Variants in TTLL7 observed in about 807,000 individuals in gnomAD.
TTLL7 encodes the protein tubulin tyrosine ligase like 7.
Under a neutral mutation model 120.2 loss-of-function variants are expected in TTLL7, and 53 were observed. The ratio of observed to expected loss-of-function variants is 0.44; its 90% CI spans 0.35 to 0.55. TTLL7 has a LOEUF of 0.55. Among genes scored for constraint, TTLL7 ranks in the 20% least tolerant of loss-of-function variants. TTLL7 has a pLI of 0.00. For synonymous variants in TTLL7, 353 were observed against 351.7 expected (o/e 1.00, Z -0.04); for missense variants, 803 against 1,054.7 (o/e 0.76, Z 3.31).
chr1:83,888,095 A>C (rs1399501047), intron 19 of TTLL7, among the ~76,000 whole-genome samples: 1 of 151,950 alleles, frequency 6.6e-6, no homozygotes, highest in African/African-American at 2.4e-5. Flanking sequence ...AGGAAGCACC[A>C]CTTCATGGGT....
intron 13 of TTLL7, 68 bp downstream of exon 13, chr1:83,919,631 G>C: frequency 7.2e-7 from 1 of 1,381,260 alleles, no homozygotes; most frequent in Non-Finnish European, 9.7e-7. Flanking sequence ...GGACCAAGGT[G>C]GCTTGTCTGT....
intron 10 of TTLL7, among the ~76,000 whole-genome samples, chr1:83,922,601 T>G (rs767724949): frequency 2.0e-5 from 3 of 151,904 alleles, no homozygotes; most frequent in Non-Finnish European, 2.9e-5. Context: ...TTTGAGAAAA[T>G]AAATAAATGC....
intron 6 of TTLL7, 148 bp downstream of exon 6, chr1:83,946,976 A>C (rs1648565905): frequency 1.7e-6 from 1 of 574,784 alleles, no homozygotes; most frequent in Admixed American, 4.0e-5. Context: ...GAGATCATTA[A>C]ATATTTGGTT....
chr1:83,929,144 T>C lies in TTLL7; in HGVS notation c.1134A>G (p.Leu378=). ...RGVLLNALKL[L]NIRTSDKRRN... ...TAGAGAGAGTATTTTACCTTATGTT[T>C]AGTAGCTTCAACGCATTTAGCAGCA... is the stretch of plus-strand genomic sequence containing the variant. The change falls in exon 10 of 21, where the codon CTA becomes CTG. Residue 378 remains leucine, a synonymous_variant. Coordinates refer to ENST00000260505, the MANE Select transcript of TTLL7 (RefSeq NM_024686.6). 6.2e-7 allele frequency: 1 copy of C among 1,608,654 alleles called. No homozygotes were observed. The highest frequency in any genetic ancestry group is 8.5e-7 in the Non-Finnish European group (1 of 1,176,076).
chr1:83,919,281 T>TGTGTGTGC (rs1658446943), intron 13 of TTLL7, among the ~76,000 whole-genome samples: 1 of 151,874 alleles, frequency 6.6e-6, no homozygotes, highest in Admixed American at 6.6e-5. Flanking sequence ...TGTGTGTGTG[T>TGTGTGTGC]GTGTGTGTGT....
intron 18 of TTLL7, among the ~76,000 whole-genome samples, chr1:83,896,996 A>T (rs1656279936): frequency 6.6e-6 from 1 of 152,230 alleles, no homozygotes; most frequent in African/African-American, 2.4e-5. Context: ...AATAAGATTA[A>T]CTATTTCCAT....
intron 1 of TTLL7, among the ~76,000 whole-genome samples, chr1:83,959,384 T>C (rs1401568250): frequency 1.3e-5 from 2 of 152,196 alleles, no homozygotes; most frequent in Non-Finnish European, 2.9e-5. Flanking sequence ...AGCACAGCAA[T>C]GTGGGTGACT....
At chr1:83,955,889 T>C (rs1649465947) in intron 1 of TTLL7, among the ~76,000 whole-genome samples, 1 of 152,050 alleles carries the variant, frequency 6.6e-6, no homozygotes, top group Non-Finnish European at 1.5e-5. Flanking sequence ...TAGTCCCAGA[T>C]ACCTGGGTGG....
intron 9 of TTLL7, among the ~76,000 whole-genome samples, chr1:83,931,628 C>T (rs1659606247): frequency 6.6e-6 from 1 of 151,136 alleles, no homozygotes. Flanking sequence ...CTTATATTCC[C>T]ACCACCTAAC....
chr1:83,955,838 C>T (rs1018980348), intron 1 of TTLL7, among the ~76,000 whole-genome samples: 4 of 151,940 alleles, frequency 2.6e-5, no homozygotes, highest in African/African-American at 9.7e-5. Flanking sequence ...AACATCTCCA[C>T]AAAAATTTAA....
intron 18 of TTLL7, among the ~76,000 whole-genome samples, chr1:83,893,286 A>C (rs1197017347): frequency 6.6e-6 from 1 of 152,086 alleles, no homozygotes; most frequent in Non-Finnish European, 1.5e-5. Context: ...GGTCCTAAAA[A>C]ATTTGTAAAC....
intron 10 of TTLL7, 127 bp downstream of exon 10, chr1:83,929,009 A>G (rs975711842): frequency 2.4e-6 from 1 of 422,018 alleles, no homozygotes; most frequent in Non-Finnish European, 4.0e-6. Context: ...AATGGATGGA[A>G]TCAAGAAATG....
intron 1 of TTLL7, among the ~76,000 whole-genome samples, chr1:83,984,869 A>G (rs1423430025): frequency 6.6e-6 from 1 of 152,198 alleles, no homozygotes; most frequent in Non-Finnish European, 1.5e-5. Flanking sequence ...TCCAAACCTC[A>G]GCATCATGCA....
At chr1:83,967,126 A>C (rs987141038) in intron 1 of TTLL7, among the ~76,000 whole-genome samples, 23 of 152,136 alleles carry the variant, frequency 1.5e-4, no homozygotes, top group Non-Finnish European at 2.8e-4. Context: ...AATGGTACTT[A>C]CTACTAAGAA....
intron 20 of TTLL7, among the ~76,000 whole-genome samples, chr1:83,873,318 C>T (rs1302603527): frequency 6.6e-6 from 1 of 152,078 alleles, no homozygotes; most frequent in Non-Finnish European, 1.5e-5. Context: ...GATTATTTGC[C>T]TTAATATTCC....
chr1:83,917,059 C>A (rs1248374984), intron 14 of TTLL7, among the ~76,000 whole-genome samples: 2 of 150,000 alleles, frequency 1.3e-5, no homozygotes, highest in East Asian at 3.9e-4. Context: ...TATGAACATA[C>A]CACTGGACTT....
intron 3 of TTLL7, among the ~76,000 whole-genome samples, chr1:83,951,559 T>C (rs1649053497): frequency 2.0e-5 from 3 of 152,178 alleles, no homozygotes; most frequent in Admixed American, 2.0e-4. Context: ...AAAATTAAAC[T>C]TCAAAGAAAA....
chr1:83,937,423 G>C (rs1054206884), intron 8 of TTLL7, among the ~76,000 whole-genome samples: 1 of 151,998 alleles, frequency 6.6e-6, no homozygotes, highest in African/African-American at 2.4e-5. Flanking sequence ...GGCTGGTCTC[G>C]AACTCCTGAC....
intron 1 of TTLL7, among the ~76,000 whole-genome samples, chr1:83,959,610 T>C (rs1649839588): frequency 6.6e-6 from 1 of 152,116 alleles, no homozygotes; most frequent in East Asian, 1.9e-4. Flanking sequence ...CAGCTACCGA[T>C]GCTCACTAAC....
Sources: gnomAD v4.1 joint callset for allele counts (sites outside exome capture counted in the v4.1 genomes callset) on GRCh38, gnomAD v4.1.1 for gene constraint, MANE v1.5 for transcripts, NCBI Gene and HGNC (gene_info 2026-07-23, HGNC 2026-07-21) for gene names.